PDE4B: variants seen among roughly 807,000 people sequenced by gnomAD.
PDE4B encodes the protein phosphodiesterase 4B.
A neutral mutation model predicts 82.2 loss-of-function variants in PDE4B; 20 were observed. That is an observed-to-expected ratio of 0.24 (90% CI 0.17 to 0.35). PDE4B has a LOEUF of 0.35. Among genes scored for constraint, PDE4B ranks in the 10% least tolerant of loss-of-function variants. PDE4B has a pLI of 1.00. For missense variants in PDE4B, 655 were observed against 907.2 expected (o/e 0.72, Z 3.57); for synonymous variants, 320 against 318.9 (o/e 1.00, Z -0.04).
intron 1 of PDE4B, among the ~76,000 whole-genome samples, chr1:65,911,557 T>C (rs920104366): frequency 1.3e-5 from 2 of 152,054 alleles, no homozygotes; most frequent in Non-Finnish European, 1.5e-5. Context: ...ATAGAGGCCC[T>C]CAATATTGAC....
chr1:65,892,217 G>T (rs1051172971), intron 1 of PDE4B, among the ~76,000 whole-genome samples: 2 of 151,954 alleles, frequency 1.3e-5, no homozygotes, highest in Non-Finnish European at 2.9e-5. Flanking sequence ...TATCATACTT[G>T]CTTAAGACAA....
intron 7 of PDE4B, among the ~76,000 whole-genome samples, chr1:66,270,979 G>A (rs1369819400): frequency 2.0e-5 from 3 of 152,188 alleles, no homozygotes; most frequent in Admixed American, 2.0e-4. Context: ...CAGTTATTTT[G>A]AGAATAATTT....
chr1:66,172,807 C>G (rs910419189), intron 3 of PDE4B, among the ~76,000 whole-genome samples: 6 of 151,716 alleles, frequency 4.0e-5, no homozygotes, highest in South Asian at 2.1e-4. Flanking sequence ...TTGGCAAGCT[C>G]TTTTTTTGGA....
At chr1:66,136,816 A>G (rs1646067987) in intron 3 of PDE4B, among the ~76,000 whole-genome samples, 1 of 151,992 alleles carries the variant, frequency 6.6e-6, no homozygotes, top group South Asian at 2.1e-4. Flanking sequence ...GCAGGGAAGG[A>G]CAGAGACAGA....
At chr1:66,236,048 G>T (rs905607468) in intron 3 of PDE4B, among the ~76,000 whole-genome samples, 17 of 152,112 alleles carry the variant, frequency 1.1e-4, no homozygotes, top group Non-Finnish European at 2.5e-4. Context: ...AATTTATATC[G>T]TAAAAAGTAC....
intron 3 of PDE4B, among the ~76,000 whole-genome samples, chr1:66,002,244 G>A (rs951384340): frequency 1.2e-4 from 18 of 151,970 alleles, no homozygotes; most frequent in Non-Finnish European, 2.6e-4. Context: ...TAGTAATACC[G>A]AACATCTTTT....
chr1:66,287,250 CTA>C (rs1359794890), intron 7 of PDE4B, among the ~76,000 whole-genome samples: 1 of 152,162 alleles, frequency 6.6e-6, no homozygotes, highest in Non-Finnish European at 1.5e-5. Flanking sequence ...CGATCTCACT[CTA>C]TTAGAGATAA....
At chr1:66,015,579 GTAT>G (rs1652725577) in intron 3 of PDE4B, among the ~76,000 whole-genome samples, 1 of 151,240 alleles carries the variant, frequency 6.6e-6, no homozygotes, top group African/African-American at 2.4e-5. Context: ...TGGAAGAAGA[GTAT>G]TTCCACAAGA....
At chr1:65,998,729 G>A (rs146064220) in intron 3 of PDE4B, among the ~76,000 whole-genome samples, 66 of 152,126 alleles carry the variant, frequency 4.3e-4, no homozygotes, top group African/African-American at 1.5e-3. Flanking sequence ...GTACTAGCTG[G>A]TACAATACCC....
chr1:65,992,958 T>C, intron 3 of PDE4B: 1 of 1,613,982 alleles, frequency 6.2e-7, no homozygotes, highest in Non-Finnish European at 8.5e-7. Context: ...ACCTGAGGTT[T>C]GCATAAAGAC....
At chr1:66,090,737 A>G (rs575600146) in intron 3 of PDE4B, among the ~76,000 whole-genome samples, 2 of 143,876 alleles carry the variant, frequency 1.4e-5, no homozygotes, top group Admixed American at 6.9e-5. Flanking sequence ...ATGTATGTAT[A>G]TATACATATA....
intron 1 of PDE4B, among the ~76,000 whole-genome samples, chr1:65,853,278 G>T (rs1023160561): frequency 1.3e-5 from 2 of 151,956 alleles, no homozygotes; most frequent in African/African-American, 4.8e-5. Context: ...TTTTAAGTGG[G>T]TTTCTTGTAG....
chr1:66,272,779 CTTTTTTTTTT>C (rs869201227), intron 7 of PDE4B, among the ~76,000 whole-genome samples: 6 of 61,658 alleles, frequency 9.7e-5, no homozygotes, highest in African/African-American at 2.1e-4. Context: ...TACTAGAATT[CTTTTTTTTTT>C]TTTTTTTTTT....
chr1:66,285,741 C>A (rs954966829), intron 7 of PDE4B, among the ~76,000 whole-genome samples: 1 of 151,934 alleles, frequency 6.6e-6, no homozygotes, highest in African/African-American at 2.4e-5. Context: ...ACTCAAGCAG[C>A]AGTTGCCCAG....
intron 1 of PDE4B, among the ~76,000 whole-genome samples, chr1:65,836,717 ATCTTTATCTCTG>A (rs1486093809): frequency 6.6e-6 from 1 of 151,594 alleles, no homozygotes. Context: ...CTCTTTCTCC[ATCTTTATCTCTG>A]TCTTTATCAT....
At chr1:66,332,794 C>G (rs1425280325) in intron 8 of PDE4B, among the ~76,000 whole-genome samples, 174 bp downstream of exon 8, 2 of 152,192 alleles carry the variant, frequency 1.3e-5, no homozygotes, top group African/African-American at 4.8e-5. Flanking sequence ...TGTCTTGATG[C>G]TACAGCAAAA....
At chr1:65,873,668 CT>C (rs1196741353) in intron 1 of PDE4B, among the ~76,000 whole-genome samples, 2 of 151,958 alleles carry the variant, frequency 1.3e-5, no homozygotes, top group East Asian at 3.8e-4. Context: ...AAAAGTAACC[CT>C]TTTAGTTGAG....
chr1:66,182,368 CATAT>C (rs1359895067), intron 3 of PDE4B, among the ~76,000 whole-genome samples: 2 of 151,988 alleles, frequency 1.3e-5, no homozygotes, highest in African/African-American at 2.4e-5. Flanking sequence ...TTATACAAAA[CATAT>C]ATAGAGAATG....
At chr1:66,014,422 G>T (rs1181891144) in intron 3 of PDE4B, among the ~76,000 whole-genome samples, 1 of 151,896 alleles carries the variant, frequency 6.6e-6, no homozygotes, top group African/African-American at 2.4e-5. Flanking sequence ...TTATAGTTTG[G>T]GTCTTGTGTT....
Sources: allele counts gnomAD v4.1 joint callset (sites outside exome capture counted in the v4.1 genomes callset), GRCh38; gene constraint gnomAD v4.1.1; transcripts MANE v1.5; gene names NCBI Gene and HGNC (gene_info 2026-07-23, HGNC 2026-07-21).